RHCE: variants seen among roughly 807,000 people sequenced by gnomAD.
The protein encoded by RHCE is blood group Rh(CE) polypeptide.
RHCE carries 22 observed loss-of-function variants against 43.8 expected under a neutral mutation model. The observed-to-expected ratio is 0.50, with a 90% CI of 0.36 to 0.72. The LOEUF is 0.72. Among genes scored for constraint, RHCE ranks in the 30% least tolerant of loss-of-function variants. RHCE has a pLI of 0.00. For synonymous variants in RHCE, 156 were observed against 210.7 expected, an observed-to-expected ratio of 0.74 and a Z score of 2.25; for missense variants, 385 against 525.4, an observed-to-expected ratio of 0.73 and a Z score of 2.61.
intron 5 of RHCE, among the ~76,000 whole-genome samples, chr1:25,390,504 T>C (rs1006332857): frequency 1.9e-4 from 29 of 152,194 alleles, no homozygotes; most frequent in African/African-American, 6.3e-4. Context: ...GTCTGTTTCA[T>C]GTTAGCATGG....
chr1:25,399,819 G>T, intron 3 of RHCE, among the ~76,000 whole-genome samples: 1 of 151,926 alleles, frequency 6.6e-6, no homozygotes, highest in African/African-American at 2.4e-5. Flanking sequence ...CCCCATAGAC[G>T]TATCAAAATA....
chr1:25,400,081 A>G (rs1474862841), intron 3 of RHCE, among the ~76,000 whole-genome samples: 3 of 152,006 alleles, frequency 2.0e-5, no homozygotes, highest in African/African-American at 7.3e-5. Flanking sequence ...CTGCTTTCCA[A>G]CTCAAAGGCT....
intron 7 of RHCE, among the ~76,000 whole-genome samples, chr1:25,377,281 T>G (rs1303803942): frequency 2.0e-5 from 3 of 151,936 alleles, no homozygotes; most frequent in African/African-American, 7.2e-5. Context: ...AGTCTTGCTG[T>G]GTCACCAGGC....
intron 8 of RHCE, 102 bp from the exon 9 acceptor site, chr1:25,370,642 C>G (rs1645579120): frequency 2.0e-6 from 2 of 1,023,756 alleles, no homozygotes; most frequent in African/African-American, 3.3e-5. Flanking sequence ...AGTGTCTCAA[C>G]AGAAATCCTT....
chr1:25,399,577 T>A (rs538585264), intron 3 of RHCE, among the ~76,000 whole-genome samples: 17 of 150,842 alleles, frequency 1.1e-4, no homozygotes, highest in East Asian at 3.9e-4. Flanking sequence ...AATAATGGAC[T>A]AAGGGAAATA....
intron 1 of RHCE, among the ~76,000 whole-genome samples, chr1:25,414,883 G>A (rs1647261944): frequency 6.6e-6 from 1 of 152,144 alleles, no homozygotes; most frequent in African/African-American, 2.4e-5. Flanking sequence ...CCCAGTTGTT[G>A]CACCACAGAA....
chr1:25,378,477 T>C (rs1011236007), intron 7 of RHCE, among the ~76,000 whole-genome samples: 4 of 152,230 alleles, frequency 2.6e-5, no homozygotes, highest in African/African-American at 7.2e-5. Context: ...GGAACACTTG[T>C]TCCAACTATC....
intron 2 of RHCE, among the ~76,000 whole-genome samples, chr1:25,427,197 G>A (rs940134833): frequency 2.0e-5 from 3 of 152,148 alleles, no homozygotes; most frequent in African/African-American, 4.8e-5. Context: ...GGGATTGAAC[G>A]GGCTGACAGA....
At chr1:25,409,959 A>T (rs981486020) in intron 1 of RHCE, among the ~76,000 whole-genome samples, 3 of 151,826 alleles carry the variant, frequency 2.0e-5, no homozygotes, top group Non-Finnish European at 4.4e-5. Flanking sequence ...TACAGTGGCG[A>T]GATCTTGGCT....
At position 25,376,308 on chromosome 1, in the gene RHCE, G is replaced by A. The variant is rs545798576; in HGVS notation, c.1074-880C>T. Among the ~76,000 whole-genome samples, 13 of 152,306 alleles carry A rather than the reference G, an allele frequency of 8.5e-5. No individual in the cohort carries two copies. In the East Asian group the frequency reaches 2.5e-3, roughly 29 times the overall value. ...CTGGATGCTGAATGTGATTGTCCCAGGGTTCAGCATGCACCTGGGCACTGC... is the reference window on the plus strand; with the variant it reads ...CTGGATGCTGAATGTGATTGTCCCAAGGTTCAGCATGCACCTGGGCACTGC... On this transcript the variant is annotated intron_variant, in intron 7 of 9. Coordinates refer to ENST00000294413, the MANE Select transcript of RHCE (RefSeq NM_020485.8).
chr1:25,410,882 C>T (rs1647052017), intron 1 of RHCE, among the ~76,000 whole-genome samples: 1 of 151,950 alleles, frequency 6.6e-6, no homozygotes, highest in Non-Finnish European at 1.5e-5. Context: ...ATGAGGTCAG[C>T]AGTTCGAGAC....
chr1:25,377,760 G>C (rs1236476331), intron 7 of RHCE, among the ~76,000 whole-genome samples: 1 of 152,014 alleles, frequency 6.6e-6, no homozygotes, highest in African/African-American at 2.4e-5. Context: ...CAAAAATTCG[G>C]TGGGCATGGT....
rs1478849596 is a variant in RHCE at position 25,390,908 on chromosome 1, G to A, written c.642C>T (p.Leu214=). 6.2e-7 allele frequency: 1 copy of A among 1,614,200 alleles called. No homozygotes were observed. Among genetic ancestry groups the A allele is most frequent in the Non-Finnish European group, 8.5e-7 (1 of 1,180,038 alleles). ...IPSLSAMLGA[L]FLWMFWPSVN... ...CACTTGGCCAGAACATCCACAAGAA[G>A]AGGGCGCCTGGGGGCCAGAGAGGGT... The change falls in exon 5 of 10, where the codon CTC becomes CTT. Residue 214 remains leucine (L), a synonymous_variant. Transcript: ENST00000294413.
At chr1:25,421,450 G>T (rs1393095510), upstream of RHCE, among the ~76,000 whole-genome samples, 1 of 152,164 alleles carries the variant, frequency 6.6e-6, no homozygotes, top group South Asian at 2.1e-4. Flanking sequence ...GGAGATGTGG[G>T]TTTGGCTCTA....
At chr1:25,402,302 C>A (rs1646779014) in intron 3 of RHCE, among the ~76,000 whole-genome samples, 2 of 152,044 alleles carry the variant, frequency 1.3e-5, no homozygotes, top group Admixed American at 6.6e-5. Flanking sequence ...TCATCTCTAA[C>A]TCCTGGGCTC....
upstream of RHCE, among the ~76,000 whole-genome samples, chr1:25,423,092 TC>T (rs2042779387): frequency 2.6e-5 from 4 of 152,278 alleles, no homozygotes; most frequent in South Asian, 8.3e-4. Flanking sequence ...AACATGGGCT[TC>T]TAAGCCCTCT....
At chr1:25,394,281 A>T (rs554232011) in intron 3 of RHCE, among the ~76,000 whole-genome samples, 16 of 149,198 alleles carry the variant, frequency 1.1e-4, no homozygotes, top group South Asian at 6.3e-4. Context: ...GAGCCACCGC[A>T]CCCAGCCTAT....
In RHCE at chr1:25,415,336, A is replaced by G. The variant is rs545398184; in HGVS notation, c.148+5303T>C. 3.9e-5 allele frequency among the ~76,000 whole-genome samples: 6 copies of G among 152,326 alleles called. No homozygotes were observed. In the East Asian group the frequency reaches 1.2e-3, roughly 29 times the overall value. On this transcript the variant is annotated intron_variant, in intron 1 of 9. Coordinates refer to ENST00000294413, the MANE Select transcript of RHCE (RefSeq NM_020485.8). ...AAAACAAGCAATTCTAGTTTTATTT[A>G]TTTTATTTAAAAAATTAAGAAATTA...
intron 1 of RHCE, chr1:25,411,379 A>T: frequency 6.4e-7 from 1 of 1,550,596 alleles, no homozygotes; most frequent in Non-Finnish European, 8.7e-7. Context: ...TAACAATGAG[A>T]AGCTCTCATT....
Sources: allele counts gnomAD v4.1 joint callset (sites outside exome capture counted in the v4.1 genomes callset), GRCh38; gene constraint gnomAD v4.1.1; transcripts MANE v1.5; gene names NCBI Gene and HGNC (gene_info 2026-07-23, HGNC 2026-07-21).